The following HCN1 variants were observed in gnomAD, a reference collection of about 807,000 sequenced individuals.
The protein encoded by HCN1 is potassium/sodium hyperpolarization-activated cyclic nucleotide-gated channel 1.
Under a neutral mutation model 78.9 loss-of-function variants are expected in HCN1, and 13 were observed. The ratio of observed to expected loss-of-function variants is 0.16; its 90% CI spans 0.11 to 0.26. The LOEUF (loss-of-function observed/expected upper bound fraction) is 0.26, where lower values mean the gene tolerates loss of function less well. HCN1 is among the 10% of genes least tolerant of loss of function. HCN1 has a pLI of 1.00. For synonymous variants in HCN1, 552 were observed against 455.5 expected, an observed-to-expected ratio of 1.21 and a Z score of -2.70; for missense variants, 810 against 1,154.3, an observed-to-expected ratio of 0.70 and a Z score of 4.32.
At chr5:45,618,135 A>C (rs1554035965) in intron 2 of HCN1, among the ~76,000 whole-genome samples, 1 of 151,802 alleles carries the variant, frequency 6.6e-6, no homozygotes, top group South Asian at 2.1e-4. Flanking sequence ...CCATGTTATA[A>C]GCAATCAATA....
intron 5 of HCN1, among the ~76,000 whole-genome samples, chr5:45,310,488 T>A (rs1398320152): frequency 6.6e-6 from 1 of 152,156 alleles, no homozygotes; most frequent in African/African-American, 2.4e-5. Flanking sequence ...TCAGTCACAA[T>A]GGTTATTATT....
rs80205111 is a variant in HCN1, at chr5:45,441,638, T to C, written c.1011+20208A>G. Reference sequence around the variant, plus strand: ...GATTAATATGCTTGAAATATTTTTATTTTATCACTGACATGTGGATTAAGA... The same window carrying C: ...GATTAATATGCTTGAAATATTTTTACTTTATCACTGACATGTGGATTAAGA... On this transcript the variant is annotated intron_variant, in intron 3 of 7. Transcript: ENST00000303230. Among the ~76,000 whole-genome samples, 490 of 152,334 alleles carry C rather than the reference T, an allele frequency of 3.2e-3. 21 individuals are homozygous for C. In the East Asian group the frequency reaches 0.082, roughly 25 times the overall value.
At chr5:45,272,895 A>C (rs1434370569) in intron 6 of HCN1, among the ~76,000 whole-genome samples, 1 of 152,134 alleles carries the variant, frequency 6.6e-6, no homozygotes, top group African/African-American at 2.4e-5. Context: ...GATTCAGTGC[A>C]GTTTACAGAT....
chr5:45,377,134 A>G (rs1324258447), intron 4 of HCN1, among the ~76,000 whole-genome samples: 1 of 152,002 alleles, frequency 6.6e-6, no homozygotes, highest in Non-Finnish European at 1.5e-5. Context: ...AAGCCTTGAA[A>G]TTCACAGAAT....
intron 3 of HCN1, among the ~76,000 whole-genome samples, chr5:45,422,540 CAT>C (rs1740250062): frequency 6.6e-6 from 1 of 152,124 alleles, no homozygotes; most frequent in Non-Finnish European, 1.5e-5. Flanking sequence ...AGGACTTCAA[CAT>C]ATGAATTTTG....
chr5:45,317,225 A>G (rs1312545720), intron 5 of HCN1, among the ~76,000 whole-genome samples: 2 of 152,172 alleles, frequency 1.3e-5, no homozygotes, highest in East Asian at 1.9e-4. Context: ...AGAGATATAG[A>G]CCAATGGAAC....
At chr5:45,325,577 C>G (rs1301283687) in intron 5 of HCN1, among the ~76,000 whole-genome samples, 2 of 151,522 alleles carry the variant, frequency 1.3e-5, no homozygotes, top group Non-Finnish European at 3.0e-5. Flanking sequence ...CACATGAGGG[C>G]AATTTAAAAA....
intron 3 of HCN1, among the ~76,000 whole-genome samples, chr5:45,453,538 T>C (rs1217185604): frequency 6.6e-6 from 1 of 152,094 alleles, no homozygotes; most frequent in Non-Finnish European, 1.5e-5. Context: ...AGCCAATTCA[T>C]GGTTGTTTTC....
rs887129657 is a variant in HCN1 at position 45,672,242 on chromosome 5, G to A, written c.425+23427C>T. 5.5e-4 allele frequency among the ~76,000 whole-genome samples: 83 copies of A among 151,452 alleles called. 2 individuals carry two copies. Among genetic ancestry groups the A allele is most frequent in the Admixed American group, 5.2e-3 (78 of 15,142 alleles). ...CAAATATCTACTGTGCATAAACAAA[G>A]GCTGTCTTAATTATTAGCATATTTA... is the stretch of plus-strand genomic sequence containing the variant. On this transcript the variant is annotated intron_variant, in intron 1 of 7. Coordinates refer to ENST00000303230, the MANE Select transcript of HCN1 (RefSeq NM_021072.4).
At chr5:45,281,087 T>C (rs1300369026) in intron 6 of HCN1, among the ~76,000 whole-genome samples, 4 of 152,132 alleles carry the variant, frequency 2.6e-5, no homozygotes, top group African/African-American at 9.7e-5. Context: ...AAATTGTTTA[T>C]GACAGACAAA....
chr5:45,272,533 T>A lies in HCN1; in HGVS notation c.1619-5280A>T, dbSNP rs561849655. 2.6e-5 allele frequency among the ~76,000 whole-genome samples: 4 copies of A among 152,174 alleles called. No individual in the cohort carries two copies. In the South Asian group the frequency reaches 8.3e-4, roughly 32 times the overall value. On this transcript the variant is annotated intron_variant, in intron 6 of 7. Coordinates refer to ENST00000303230, the MANE Select transcript of HCN1 (RefSeq NM_021072.4). ...TGAGTTTCCAGCCCAGGCAAAATGA[T>A]TTAAAAATGCTTATGCATACCCCAA...
intron 2 of HCN1, among the ~76,000 whole-genome samples, chr5:45,507,869 A>C (rs1024683032): frequency 6.6e-6 from 1 of 152,148 alleles, no homozygotes; most frequent in Non-Finnish European, 1.5e-5. Context: ...AGCATTTTCT[A>C]GGTAGTTTAT....
At chr5:45,400,835 A>G (rs1043766415) in intron 3 of HCN1, among the ~76,000 whole-genome samples, 2 of 152,074 alleles carry the variant, frequency 1.3e-5, no homozygotes, top group African/African-American at 4.8e-5. Flanking sequence ...GCCTTTCTCC[A>G]TGTTCATATA....
chr5:45,348,754 C>A (rs985682390), intron 5 of HCN1, among the ~76,000 whole-genome samples: 1 of 152,034 alleles, frequency 6.6e-6, no homozygotes, highest in African/African-American at 2.4e-5. Flanking sequence ...GTTAAACCAA[C>A]AAAGATCAAA....
chr5:45,380,649 G>C (rs574619445), intron 4 of HCN1, among the ~76,000 whole-genome samples: 2 of 151,982 alleles, frequency 1.3e-5, no homozygotes, highest in African/African-American at 4.8e-5. Flanking sequence ...GAGCACATAA[G>C]ACTTCATGGC....
intron 2 of HCN1, among the ~76,000 whole-genome samples, chr5:45,583,706 A>G (rs562279058): frequency 6.6e-6 from 1 of 152,152 alleles, no homozygotes; most frequent in South Asian, 2.1e-4. Context: ...AATGTGTCCC[A>G]GAGATTCTGG....
At chr5:45,269,276 C>T (rs538548536) in intron 6 of HCN1, among the ~76,000 whole-genome samples, 1 of 152,270 alleles carries the variant, frequency 6.6e-6, no homozygotes, top group South Asian at 2.1e-4. Flanking sequence ...GAATTCTACA[C>T]TTTAATGAAT....
chr5:45,636,917 A>G (rs1012152618), intron 2 of HCN1, among the ~76,000 whole-genome samples: 3 of 152,230 alleles, frequency 2.0e-5, no homozygotes, highest in African/African-American at 7.2e-5. Context: ...ATAAAGGGAT[A>G]ACAAACTCAT....
intron 1 of HCN1, among the ~76,000 whole-genome samples, chr5:45,691,871 A>C (rs1263096025): frequency 1.3e-5 from 2 of 152,186 alleles, no homozygotes; most frequent in African/African-American, 4.8e-5. Context: ...GGAAGAACGG[A>C]TGTGACGGTA....
Sources: allele counts gnomAD v4.1 joint callset (sites outside exome capture counted in the v4.1 genomes callset), GRCh38; gene constraint gnomAD v4.1.1; transcripts MANE v1.5; gene names NCBI Gene and HGNC (gene_info 2026-07-23, HGNC 2026-07-21).